Variants in AKAP9 observed in about 807,000 individuals in gnomAD.
AKAP9 encodes A-kinase anchoring protein 9.
A neutral mutation model predicts 488.5 loss-of-function variants in AKAP9; 311 were observed. The ratio of observed to expected loss-of-function variants is 0.64; its 90% CI spans 0.58 to 0.70. The LOEUF is 0.70. Ranked by LOEUF, AKAP9 falls within the 30% of genes least tolerant of loss-of-function variation. The pLI, the probability that AKAP9 is intolerant of heterozygous loss-of-function variation, is 0.00. For synonymous variants in AKAP9, 1,462 were observed against 1,483.5 expected, an observed-to-expected ratio of 0.99 and a Z score of 0.33; for missense variants, 4,215 against 4,374.5, an observed-to-expected ratio of 0.96 and a Z score of 1.03.
intron 20 of AKAP9, among the ~76,000 whole-genome samples, chr7:92,043,961 G>A (rs1806547585): frequency 6.6e-6 from 1 of 152,164 alleles, no homozygotes; most frequent in Admixed American, 6.5e-5. Context: ...GAGTTGCTAG[G>A]ACAAGAGAGT....
chr7:91,970,269 A>G (rs1228680139), intron 1 of AKAP9, among the ~76,000 whole-genome samples: 1 of 152,032 alleles, frequency 6.6e-6, no homozygotes, highest in African/African-American at 2.4e-5. Flanking sequence ...ATGTTTTTAT[A>G]TTGCCTATTT....
intron 16 of AKAP9, among the ~76,000 whole-genome samples, chr7:92,032,772 T>TA (rs1414552516): frequency 6.6e-6 from 1 of 152,190 alleles, no homozygotes; most frequent in African/African-American, 2.4e-5. Flanking sequence ...ATTTTTTTTT[T>TA]ATAGCTTTCA....
Position 92,096,677 on chromosome 7 carries a change from T to C in AKAP9, c.9730-12T>C. ...TATTAACAAGTTCTTAAATTTGATT[T>C]TCTCGTACCAGGATCTGAAGTTTTC... On this transcript the variant is annotated splice_polypyrimidine_tract_variant and intron_variant, in intron 40 of 49. Transcript: ENST00000356239. 1 of 1,613,778 alleles carries C rather than the reference T, an allele frequency of 6.2e-7. No homozygotes were observed. Among genetic ancestry groups the C allele is most frequent in the Non-Finnish European group, 8.5e-7 (1 of 1,179,982 alleles).
rs145791273 is a variant in AKAP9 at position 92,089,803 on chromosome 7, A to C, written c.9358+274A>C. The C allele has an allele frequency of 2.6e-3, 633 of 239,192 alleles. 5 individuals are homozygous for C. The highest frequency in any genetic ancestry group is 0.014 in the African/African-American group (601 of 44,324). 14.8% of individuals were successfully genotyped at this position (239,192 alleles called of 1,614,324 possible). On this transcript the variant is annotated intron_variant, in intron 38 of 49. Coordinates refer to ENST00000356239, the MANE Select transcript of AKAP9 (RefSeq NM_005751.5). ...TTCTTTTTCTTTATTTTAGAGCTGTATGTTAAGAAAACAGTCTTTCCAATC... is the reference window on the plus strand; with the variant it reads ...TTCTTTTTCTTTATTTTAGAGCTGTCTGTTAAGAAAACAGTCTTTCCAATC...
rs1263143023 is a variant in AKAP9 at position 92,102,488 on chromosome 7, T to TACTACC, written c.11098-104_11098-103insTACCAC. Reference sequence around the variant, plus strand: ...CTACTACTACTACTACTACTACTACTACCACCACCACCACCACTACTTGTT... The same window carrying TACTACC: ...CTACTACTACTACTACTACTACTACTACTACCACCACCACCACCACCACTACTTGTT... On this transcript the variant is annotated intron_variant, in intron 45 of 49. Transcript: ENST00000356239. 1,424 of 540,538 alleles carry TACTACC rather than the reference T, an allele frequency of 2.6e-3. 9 individuals carry two copies. The African/African-American group carries it at 0.027, about 10-fold the overall frequency. 33.5% of individuals were successfully genotyped at this position (540,538 alleles called of 1,614,324 possible).
At chr7:92,099,048 TC>T (rs1476446227) in intron 43 of AKAP9, among the ~76,000 whole-genome samples, 1 of 152,146 alleles carries the variant, frequency 6.6e-6, no homozygotes, top group Non-Finnish European at 1.5e-5. Flanking sequence ...CCTTTCTACT[TC>T]CTGCTCCAGA....
chr7:92,024,439 G>A (rs913332376), intron 14 of AKAP9, among the ~76,000 whole-genome samples: 2 of 147,048 alleles, frequency 1.4e-5, no homozygotes, highest in South Asian at 2.1e-4. Context: ...ATGTGTGTGT[G>A]TATATATATA....
chr7:92,062,206 A>G (rs893450700), intron 23 of AKAP9, 68 bp from the exon 24 acceptor site: 1 of 1,384,956 alleles, frequency 7.2e-7, no homozygotes, highest in Non-Finnish European at 1.0e-6. Context: ...TTTGTTGTTT[A>G]TATTAAAACC....
chr7:92,064,503 A>T (rs1296399660), intron 24 of AKAP9, among the ~76,000 whole-genome samples: 1 of 152,118 alleles, frequency 6.6e-6, no homozygotes, highest in African/African-American at 2.4e-5. Flanking sequence ...ATCAGTAATA[A>T]TATTATTCTC....
intron 21 of AKAP9, among the ~76,000 whole-genome samples, chr7:92,046,240 A>G (rs900687128): frequency 6.6e-6 from 1 of 152,270 alleles, no homozygotes; most frequent in African/African-American, 2.4e-5. Context: ...AAAGAGGGGA[A>G]AAGTTTTGTG....
At chr7:92,093,340 A>G in intron 39 of AKAP9, 24 bp downstream of exon 39, 3 of 1,598,790 alleles carry the variant, frequency 1.9e-6, no homozygotes, top group Non-Finnish European at 1.7e-6. Flanking sequence ...CCTTATTAAA[A>G]ACATGTAACA....
intron 1 of AKAP9, among the ~76,000 whole-genome samples, chr7:91,956,665 A>T (rs1005273320): frequency 6.6e-6 from 1 of 152,094 alleles, no homozygotes; most frequent in Non-Finnish European, 1.5e-5. Flanking sequence ...TTTGTAGAAC[A>T]TTAACCCAGA....
At chr7:92,056,693 G>GA (rs1307575058) in intron 22 of AKAP9, among the ~76,000 whole-genome samples, 1 of 151,790 alleles carries the variant, frequency 6.6e-6, no homozygotes, top group Admixed American at 6.6e-5. Flanking sequence ...GCTTTCTATA[G>GA]AAAATGTCAT....
At chr7:92,048,650 T>A (rs1054484475) in intron 21 of AKAP9, among the ~76,000 whole-genome samples, 11 of 152,238 alleles carry the variant, frequency 7.2e-5, no homozygotes, top group Admixed American at 3.3e-4. Context: ...CTCATGCCTG[T>A]AATCCCAACA....
chr7:91,983,395 G>T (rs1796675913), intron 3 of AKAP9, among the ~76,000 whole-genome samples: 1 of 152,144 alleles, frequency 6.6e-6, no homozygotes, highest in Non-Finnish European at 1.5e-5. Flanking sequence ...CCTTTTCTAT[G>T]GCTGCATAGT....
chr7:91,979,234 G>A (rs1486114350), intron 2 of AKAP9, among the ~76,000 whole-genome samples: 1 of 152,044 alleles, frequency 6.6e-6, no homozygotes, highest in Non-Finnish European at 1.5e-5. Flanking sequence ...AGGTTTAATG[G>A]ACTCACAGTT....
In AKAP9 at chr7:92,091,601, A is replaced by AC. The variant is rs1437995476; in HGVS notation, c.9359-1496_9359-1495insC. ...ACTCTGTCTCAAAAAAAAAAAACAA[A>AC]AAAAAAAAACAAAGCAGAAGCATTC... On this transcript the variant is annotated intron_variant, in intron 38 of 49. Coordinates refer to ENST00000356239, the MANE Select transcript of AKAP9 (RefSeq NM_005751.5). 2.5e-3 allele frequency among the ~76,000 whole-genome samples: 374 copies of AC among 151,298 alleles called. 4 individuals carry two copies. The highest frequency in any genetic ancestry group is 4.3e-3 in the Non-Finnish European group (293 of 67,810).
In AKAP9 at chr7:92,098,094, G is replaced by C. The variant is rs112467497; in HGVS notation, c.10608-15G>C. On this transcript the variant is annotated splice_polypyrimidine_tract_variant and intron_variant, in intron 42 of 49. Coordinates refer to ENST00000356239, the MANE Select transcript of AKAP9 (RefSeq NM_005751.5). ...TTGAGAAGGTATGTTTTGACTTTTT[G>C]TCTTTTTCTTGAAGACTACAGTTTG... 2.9e-3 allele frequency: 4,523 copies of C among 1,559,748 alleles called. 121 individuals carry two copies. In the African/African-American group the frequency reaches 0.051, roughly 17 times the overall value.
rs752006269 is a variant in AKAP9 at position 92,079,668 on chromosome 7, A to T, written c.7535A>T (p.Asp2512Val). Residue 2512 changes from aspartate (D) to valine (V), a missense_variant, in exon 31 of 50, where the codon GAC becomes GTC. This residue lies in a region of AKAP9 where 1,476 missense variants were observed against 1,477.4 expected (regional missense o/e 1.00). Coordinates refer to ENST00000356239, the MANE Select transcript of AKAP9 (RefSeq NM_005751.5). The part of the protein sequence containing the change: ...LQLESTVSAK[D>V]LELTQCYKQI... Reference sequence around the variant, plus strand: ...CTTGAGAGCACTGTTAGTGCAAAGGACTTAGAACTTACCCAGTGTTATAAA... The same window carrying T: ...CTTGAGAGCACTGTTAGTGCAAAGGTCTTAGAACTTACCCAGTGTTATAAA... 1.5e-5 allele frequency: 24 copies of T among 1,613,958 alleles called. No homozygotes were observed. Among genetic ancestry groups the T allele is most frequent in the Non-Finnish European group, 1.9e-5 (23 of 1,179,984 alleles).
Sources: gnomAD v4.1 joint callset for allele counts (sites outside exome capture counted in the v4.1 genomes callset) on GRCh38, gnomAD v4.1.1 for gene constraint, gnomAD v4.1.1 regional missense constraint, MANE v1.5 for transcripts, NCBI Gene and HGNC (gene_info 2026-07-23, HGNC 2026-07-21) for gene names.